Variants in SGCD observed in about 807,000 individuals in gnomAD.
SGCD encodes delta-sarcoglycan.
SGCD carries 18 observed loss-of-function variants against 36.6 expected under a neutral mutation model. The ratio of observed to expected loss-of-function variants is 0.49; its 90% CI spans 0.34 to 0.73. The LOEUF (loss-of-function observed/expected upper bound fraction) is 0.73, where lower values mean the gene tolerates loss of function less well. SGCD is among the 30% of genes least tolerant of loss of function. The pLI, the probability that SGCD is intolerant of heterozygous loss-of-function variation, is 0.01. For synonymous variants in SGCD, 133 were observed against 130.6 expected (o/e 1.02, Z -0.12); for missense variants, 387 against 346.7 (o/e 1.12, Z -0.92).
intron 3 of SGCD, among the ~76,000 whole-genome samples, chr5:156,303,444 C>T (rs529948492): frequency 2.0e-5 from 3 of 152,054 alleles, no homozygotes; most frequent in African/African-American, 7.2e-5. Flanking sequence ...ATCTGGAACC[C>T]CAGGAGCCCA....
intron 2 of SGCD, 39 bp downstream of exon 2, chr5:156,329,618 G>T (rs1767971702): frequency 6.3e-7 from 1 of 1,592,938 alleles, no homozygotes; most frequent in African/African-American, 1.3e-5. Context: ...TCAAGGCCCT[G>T]CTCATGGTCA....
Position 156,149,659 on chromosome 5 carries a change from G to A in SGCD, c.-44+25640G>A, listed in dbSNP as rs79337658. 7.6e-4 allele frequency among the ~76,000 whole-genome samples: 116 copies of A among 152,200 alleles called. No homozygotes were observed. In the East Asian group the frequency reaches 0.021, roughly 28 times the overall value. On this transcript the variant is annotated intron_variant, in intron 3 of 9. Coordinates refer to the SGCD transcript ENST00000517913. ...AGGTCACTTATCATAGTTTCTATAA[G>A]GGCTAGCTAGTGAAGGGGCCAGGGG...
At chr5:155,737,420 A>G in the SGCD span, among the ~76,000 whole-genome samples, 4 of 152,204 alleles carry the variant, frequency 2.6e-5, no homozygotes, top group Admixed American at 6.5e-5. Flanking sequence ...CATTGAAATA[A>G]AAGTTTTGAA....
chr5:155,913,969 C>T (rs1490873980), intron 1 of SGCD, among the ~76,000 whole-genome samples: 1 of 152,176 alleles, frequency 6.6e-6, no homozygotes, highest in Non-Finnish European at 1.5e-5. Flanking sequence ...TGTTGATAAG[C>T]TTTCATTGAG....
chr5:156,009,737 G>T (rs1489775963), intron 1 of SGCD, among the ~76,000 whole-genome samples: 1 of 152,056 alleles, frequency 6.6e-6, no homozygotes, highest in Non-Finnish European at 1.5e-5. Flanking sequence ...TCCTTGGCAG[G>T]CTTTTATTAC....
intron 3 of SGCD, among the ~76,000 whole-genome samples, chr5:156,176,094 C>G (rs10223195): frequency 0.31 from 47,071 of 151,650 alleles, 7,692 homozygotes; most frequent in East Asian, 0.59. Context: ...TAGTGTAGTG[C>G]AGTATGGAAC....
the SGCD span, among the ~76,000 whole-genome samples, chr5:155,759,122 A>C: frequency 1.3e-5 from 2 of 152,082 alleles, no homozygotes; most frequent in Non-Finnish European, 2.9e-5. Context: ...GATTACAGGC[A>C]TGAGCCACCA....
chr5:155,963,615 T>C (rs192188018), intron 1 of SGCD, among the ~76,000 whole-genome samples: 1 of 151,964 alleles, frequency 6.6e-6, no homozygotes, highest in Non-Finnish European at 1.5e-5. Flanking sequence ...AAAGAAAAAA[T>C]TATTTTTATC....
At chr5:156,417,845 A>G (rs1480240380) in intron 3 of SGCD, among the ~76,000 whole-genome samples, 1 of 152,162 alleles carries the variant, frequency 6.6e-6, no homozygotes, top group South Asian at 2.1e-4. Context: ...TGAACTGCTC[A>G]TCTAGAGCTC....
intron 7 of SGCD, among the ~76,000 whole-genome samples, chr5:156,749,820 A>G (rs1441717092): frequency 6.6e-6 from 1 of 152,154 alleles, no homozygotes; most frequent in Non-Finnish European, 1.5e-5. Context: ...GGGTTTATCA[A>G]TGTGTTTAAA....
intron 3 of SGCD, among the ~76,000 whole-genome samples, chr5:156,215,039 T>A (rs1424922298): frequency 1.3e-5 from 2 of 152,018 alleles, no homozygotes; most frequent in African/African-American, 2.4e-5. Flanking sequence ...TACCTCAAAA[T>A]CTGAAACTTT....
chr5:156,701,103 G>A lies in SGCD; in HGVS notation c.575+53567G>A, dbSNP rs533558274. Among the ~76,000 whole-genome samples, 336 of 152,050 alleles carry A rather than the reference G, an allele frequency of 2.2e-3. 1 individual carries two copies. The highest frequency in any genetic ancestry group is 7.8e-3 in the African/African-American group (325 of 41,450). ...GCTGATGACTCTTCATTACTTACCTGTAGCCCAGGACTTCTCCTGTGGACT... is the reference window on the plus strand; with the variant it reads ...GCTGATGACTCTTCATTACTTACCTATAGCCCAGGACTTCTCCTGTGGACT... On this transcript the variant is annotated intron_variant, in intron 7 of 8. Coordinates refer to ENST00000337851, the MANE Select transcript of SGCD (RefSeq NM_000337.6).
intron 3 of SGCD, among the ~76,000 whole-genome samples, chr5:156,373,697 ATAGCAATTGTAAT>A (rs1312184414): frequency 6.6e-6 from 1 of 152,226 alleles, no homozygotes; most frequent in African/African-American, 2.4e-5. Context: ...AAATGAACGG[ATAGCAATTGTAAT>A]TAGAATACTA....
chr5:156,463,077 A>C (rs1754558946), intron 3 of SGCD, among the ~76,000 whole-genome samples: 1 of 152,232 alleles, frequency 6.6e-6, no homozygotes, highest in African/African-American at 2.4e-5. Context: ...ACACTTTGAA[A>C]GAGTGGCCCA....
chr5:155,893,987 G>T (rs942374939), intron 1 of SGCD, among the ~76,000 whole-genome samples: 1 of 152,110 alleles, frequency 6.6e-6, no homozygotes, highest in Non-Finnish European at 1.5e-5. Context: ...ATAAAAATAT[G>T]GTATAAAAGA....
intron 3 of SGCD, among the ~76,000 whole-genome samples, chr5:156,434,131 A>C (rs1753143710): frequency 6.6e-6 from 1 of 152,220 alleles, no homozygotes; most frequent in Admixed American, 6.5e-5. Flanking sequence ...GCAGTATGGA[A>C]GGTGTGCATC....
At chr5:155,963,533 A>G (rs1171415399) in intron 1 of SGCD, among the ~76,000 whole-genome samples, 1 of 152,086 alleles carries the variant, frequency 6.6e-6, no homozygotes, top group Non-Finnish European at 1.5e-5. Flanking sequence ...TTCTTGAGCA[A>G]TCACTTCATA....
At chr5:155,733,624 T>A in the SGCD span, among the ~76,000 whole-genome samples, 1 of 143,586 alleles carries the variant, frequency 7.0e-6, no homozygotes, top group Non-Finnish European at 1.6e-5. Context: ...TTCATTAATA[T>A]GCTGGACACT....
At chr5:156,014,943 T>C (rs899889195) in intron 1 of SGCD, among the ~76,000 whole-genome samples, 2 of 152,166 alleles carry the variant, frequency 1.3e-5, no homozygotes, top group Non-Finnish European at 2.9e-5. Flanking sequence ...CTATGTTCTT[T>C]CCTGGCATCA....
Sources: allele counts gnomAD v4.1 joint callset (sites outside exome capture counted in the v4.1 genomes callset), GRCh38; gene constraint gnomAD v4.1.1; transcripts MANE v1.5; gene names NCBI Gene and HGNC (gene_info 2026-07-23, HGNC 2026-07-21).